WDFY1: variants seen among roughly 807,000 people sequenced by gnomAD.
WDFY1 encodes WD repeat and FYVE domain containing 1, also known as WD repeat and FYVE domain-containing protein 1.
WDFY1 carries 32 observed loss-of-function variants against 56.4 expected under a neutral mutation model. The observed-to-expected ratio is 0.57, with a 90% confidence interval of 0.43 to 0.76. The LOEUF (loss-of-function observed/expected upper bound fraction) is 0.76. WDFY1 is among the 30% of genes least tolerant of loss of function. The pLI is 0.00. For missense variants in WDFY1, 480 were observed against 545.7 expected (o/e 0.88, Z 1.20); for synonymous variants, 192 against 197.3 (o/e 0.97, Z 0.23).
intron 6 of WDFY1, among the ~76,000 whole-genome samples, chr2:223,897,351 C>CATATATATATATATATATAT (rs1194128689): frequency 3.7e-5 from 2 of 53,678 alleles, no homozygotes; most frequent in African/African-American, 6.8e-5. Flanking sequence ...CTAAATTTCG[C>CATATATATATATATATATAT]ATATATATAT....
intron 8 of WDFY1, among the ~76,000 whole-genome samples, chr2:223,889,759 T>A (rs1693236060): frequency 6.6e-6 from 1 of 152,250 alleles, no homozygotes; most frequent in Non-Finnish European, 1.5e-5. Context: ...AACAGTAGTA[T>A]ATACCTCATA....
chr2:223,891,314 C>T (rs989593440), intron 8 of WDFY1, among the ~76,000 whole-genome samples: 3 of 137,596 alleles, frequency 2.2e-5, no homozygotes, highest in East Asian at 4.4e-4. Context: ...AACTAGGATG[C>T]GAAGGTTGCA....
chr2:223,884,847 AT>A (rs1319353647), intron 8 of WDFY1, 98 bp from the exon 9 acceptor site: 1 of 897,648 alleles, frequency 1.1e-6, no homozygotes, highest in Non-Finnish European at 1.6e-6. Flanking sequence ...CAAGGTTAGT[AT>A]TTCTTTTCTT....
chr2:223,918,855 T>A (rs557628158), intron 1 of WDFY1, among the ~76,000 whole-genome samples: 1 of 152,262 alleles, frequency 6.6e-6, no homozygotes, highest in South Asian at 2.1e-4. Flanking sequence ...GGCTTGGGCA[T>A]GGCAATTCTG....
In WDFY1 at chr2:223,877,437, G is replaced by A. The variant is rs1692990452; in HGVS notation, c.*1234C>T. On this transcript the variant is annotated 3_prime_UTR_variant, in exon 12 of 12. Transcript: ENST00000233055. ...CCCTAGAGAAATAGATATATGTACT[G>A]TTGTCAAAAAAAATCAAACACACAA... 6.6e-6 allele frequency: 1 copy of A among 151,806 alleles called. No individual in the cohort carries two copies. Among genetic ancestry groups the A allele is most frequent in the Admixed American group, 6.6e-5 (1 of 15,232 alleles). The allele number at this position is 151,806 out of a possible 1,614,324, so 9.4% of individuals were successfully genotyped here. A position where few individuals can be genotyped will look rare whatever the true frequency, so the allele number is the denominator to read the frequency against.
intron 8 of WDFY1, among the ~76,000 whole-genome samples, chr2:223,893,295 T>C (rs915110131): frequency 2.0e-4 from 31 of 151,706 alleles, no homozygotes; most frequent in African/African-American, 7.3e-4. Flanking sequence ...GGCAGGAGGA[T>C]TGCTTGAGCC....
At chr2:223,886,508 T>G (rs965108719) in intron 8 of WDFY1, among the ~76,000 whole-genome samples, 1 of 152,094 alleles carries the variant, frequency 6.6e-6, no homozygotes, top group African/African-American at 2.4e-5. Context: ...GCGGATTACC[T>G]GAGGTCAGGA....
Position 223,898,969 on chromosome 2 carries a change from T to C in WDFY1, c.587A>G (p.Lys196Arg), listed in dbSNP as rs773994812. ...ATAATATAGCCTACCTTCATGTCCT[T>C]TGAGGGTTGTGATGACTGAACACGT... Reference protein sequence around the residue: ...QNTCSVITTLKGHEGSVACLW... With the variant: ...QNTCSVITTLRGHEGSVACLW... Residue 196 changes from lysine (K) to arginine (R), a missense_variant, in exon 6 of 12, where the codon AAA (lysine) becomes AGA (arginine). Transcript: ENST00000233055. The C allele has an allele frequency of 4.3e-6, 7 of 1,613,850 alleles. No homozygotes were observed. The highest frequency in any genetic ancestry group is 1.7e-4 in the Middle Eastern group (1 of 6,058).
chr2:223,906,571 C>T (rs939319490), intron 3 of WDFY1, among the ~76,000 whole-genome samples: 2 of 152,046 alleles, frequency 1.3e-5, no homozygotes, highest in Admixed American at 6.6e-5. Flanking sequence ...GACAGAGTTT[C>T]GCTCTTGTTG....
intron 5 of WDFY1, among the ~76,000 whole-genome samples, chr2:223,900,654 G>A (rs972568153): frequency 6.6e-6 from 1 of 152,116 alleles, no homozygotes; most frequent in Non-Finnish European, 1.5e-5. Flanking sequence ...AAAGCATTAA[G>A]CAAAAGTTTT....
intron 6 of WDFY1, among the ~76,000 whole-genome samples, chr2:223,897,710 A>G (rs114903672): frequency 0.012 from 1,782 of 152,098 alleles, 28 homozygotes; most frequent in African/African-American, 0.041. Context: ...GTAATCCCCA[A>G]TGTTGCAGGT....
At chr2:223,923,505 T>C (rs1693924523) in intron 1 of WDFY1, among the ~76,000 whole-genome samples, 1 of 152,206 alleles carries the variant, frequency 6.6e-6, no homozygotes, top group South Asian at 2.1e-4. Flanking sequence ...TAATAAACTG[T>C]AATCCCAGCA....
At chr2:223,942,013 C>T (rs1474174316) in intron 1 of WDFY1, among the ~76,000 whole-genome samples, 2 of 152,176 alleles carry the variant, frequency 1.3e-5, no homozygotes, top group African/African-American at 2.4e-5. Flanking sequence ...GTCCAGTCAT[C>T]TACCTGGGCT....
chr2:223,907,474 C>A (rs1293517258), intron 3 of WDFY1, among the ~76,000 whole-genome samples: 2 of 152,176 alleles, frequency 1.3e-5, no homozygotes, highest in Non-Finnish European at 2.9e-5. Context: ...CAATTGCTAA[C>A]TAATGCTAAA....
At chr2:223,905,847 A>G in intron 4 of WDFY1, 100 bp downstream of exon 4, 1 of 886,806 alleles carries the variant, frequency 1.1e-6, no homozygotes, top group Non-Finnish European at 1.6e-6. Context: ...CAAAACTAAA[A>G]AGTTAATGTG....
At position 223,876,947 on chromosome 2, in the gene WDFY1, A is replaced by C. The variant is rs1265287802; in HGVS notation, c.*1724T>G. ...CTTGAACAAAACTTACCACTACTCA[A>C]TTTTTCTTCCAAACTATGTTAGTAA... On this transcript the variant is annotated 3_prime_UTR_variant, in exon 12 of 12. Coordinates refer to ENST00000233055, the MANE Select transcript of WDFY1 (RefSeq NM_020830.5). The C allele has an allele frequency of 6.6e-6, 1 of 152,146 alleles. No homozygotes were observed. The highest frequency in any genetic ancestry group is 1.9e-4 in the East Asian group (1 of 5,198). 9.4% of individuals were successfully genotyped at this position (152,146 alleles called of 1,614,324 possible).
intron 3 of WDFY1, among the ~76,000 whole-genome samples, chr2:223,910,595 T>C (rs79476713): frequency 0.012 from 1,842 of 152,138 alleles, 68 homozygotes; most frequent in East Asian, 0.11. Flanking sequence ...GCAAAGGACT[T>C]CAATAGATAT....
intron 1 of WDFY1, among the ~76,000 whole-genome samples, chr2:223,930,551 G>A (rs1226285376): frequency 1.3e-5 from 2 of 152,204 alleles, no homozygotes; most frequent in Non-Finnish European, 2.9e-5. Flanking sequence ...TACTGGTCTC[G>A]AATTCCTGAC....
At chr2:223,939,015 T>G (rs545851845) in intron 1 of WDFY1, among the ~76,000 whole-genome samples, 9 of 152,232 alleles carry the variant, frequency 5.9e-5, no homozygotes, top group Admixed American at 5.2e-4. Context: ...CTACCATGCC[T>G]GGCTAATTTC....
Sources: gnomAD v4.1 joint callset for allele counts (sites outside exome capture counted in the v4.1 genomes callset) on GRCh38, gnomAD v4.1.1 for gene constraint, MANE v1.5 for transcripts, NCBI Gene and HGNC (gene_info 2026-07-23, HGNC 2026-07-21) for gene names.